Variants in SGCZ observed in about 807,000 individuals in gnomAD.
SGCZ encodes sarcoglycan zeta, also known as zeta-sarcoglycan.
SGCZ carries 40 observed loss-of-function variants against 41.3 expected under a neutral mutation model. That is an observed-to-expected ratio of 0.97 (90% CI 0.75 to 1.26). The LOEUF (loss-of-function observed/expected upper bound fraction) is 1.26, where lower values mean the gene tolerates loss of function less well. Ranked by LOEUF, SGCZ falls within the 50% of genes most tolerant of loss-of-function variation. The probability of loss-of-function intolerance (pLI) is 0.00; values close to 1 mark genes in which losing one functional copy is unlikely to be tolerated. For missense variants in SGCZ, 552 were observed against 369.8 expected (o/e 1.49, Z -4.04); for synonymous variants, 206 against 137.5 (o/e 1.50, Z -3.49).
chr8:15,056,064 G>T (rs530659402), intron 1 of SGCZ, among the ~76,000 whole-genome samples: 1 of 152,210 alleles, frequency 6.6e-6, no homozygotes, highest in Admixed American at 6.5e-5. Context: ...CATTTAAGCA[G>T]TTTGCTGTCC....
At chr8:15,076,269 G>A (rs1258474891) in intron 1 of SGCZ, among the ~76,000 whole-genome samples, 1 of 152,126 alleles carries the variant, frequency 6.6e-6, no homozygotes, top group Non-Finnish European at 1.5e-5. Flanking sequence ...ATAACAAAGA[G>A]AGCAGAAAGA....
At chr8:14,710,895 C>T (rs1253377524) in intron 1 of SGCZ, among the ~76,000 whole-genome samples, 1 of 151,988 alleles carries the variant, frequency 6.6e-6, no homozygotes, top group Non-Finnish European at 1.5e-5. Flanking sequence ...AAAACGAAGA[C>T]CGAATACACA....
At chr8:14,477,237 G>T (rs572934184) in intron 2 of SGCZ, among the ~76,000 whole-genome samples, 1 of 151,908 alleles carries the variant, frequency 6.6e-6, no homozygotes, top group African/African-American at 2.4e-5. Context: ...GCCTACTACC[G>T]TTGTATTAAT....
chr8:14,633,040 T>C (rs763470640), intron 1 of SGCZ, among the ~76,000 whole-genome samples: 2 of 151,984 alleles, frequency 1.3e-5, no homozygotes, highest in Non-Finnish European at 2.9e-5. Flanking sequence ...AGAGAAGTGA[T>C]TGAATTACAT....
intron 1 of SGCZ, among the ~76,000 whole-genome samples, chr8:15,236,453 A>G (rs73667931): frequency 0.086 from 12,982 of 151,292 alleles, 1,343 homozygotes; most frequent in African/African-American, 0.25. Flanking sequence ...GGGGTGCCTA[A>G]ACATTCTCAC....
intron 2 of SGCZ, among the ~76,000 whole-genome samples, chr8:14,408,160 TG>T (rs1217975940): frequency 1.3e-5 from 2 of 152,144 alleles, no homozygotes; most frequent in African/African-American, 2.4e-5. Context: ...AAAATTATGA[TG>T]TTTTTAGACA....
intron 2 of SGCZ, among the ~76,000 whole-genome samples, chr8:14,471,917 A>T (rs1177236339): frequency 6.6e-6 from 1 of 152,080 alleles, no homozygotes; most frequent in Non-Finnish European, 1.5e-5. Context: ...AAATAAATAC[A>T]TCATCATCTG....
intron 1 of SGCZ, among the ~76,000 whole-genome samples, chr8:14,828,835 T>G (rs1802428564): frequency 6.6e-6 from 1 of 152,174 alleles, no homozygotes; most frequent in Non-Finnish European, 1.5e-5. Flanking sequence ...AGAGTCCTTC[T>G]TTACCATAAC....
chr8:14,240,261 G>C (rs1423453064), intron 3 of SGCZ, among the ~76,000 whole-genome samples: 1 of 149,602 alleles, frequency 6.7e-6, no homozygotes, highest in Non-Finnish European at 1.5e-5. Context: ...CTGGGAGGTG[G>C]AGGATTCAGT....
At chr8:14,953,551 A>G (rs1198419357) in intron 1 of SGCZ, among the ~76,000 whole-genome samples, 3 of 152,326 alleles carry the variant, frequency 2.0e-5, no homozygotes, top group African/African-American at 7.2e-5. Flanking sequence ...GCACTGCCGT[A>G]GCCATGGAAA....
At chr8:14,826,850 G>C (rs371946243) in intron 1 of SGCZ, among the ~76,000 whole-genome samples, 1 of 152,172 alleles carries the variant, frequency 6.6e-6, no homozygotes, top group East Asian at 1.9e-4. Context: ...TCTCAGATGA[G>C]TAGGTTGTGA....
chr8:14,234,202 T>G (rs1010623220), intron 4 of SGCZ, among the ~76,000 whole-genome samples: 1 of 152,068 alleles, frequency 6.6e-6, no homozygotes, highest in African/African-American at 2.4e-5. Context: ...CAGAAACATA[T>G]AAAATATTTC....
chr8:14,437,850 T>C (rs969046759), intron 2 of SGCZ, among the ~76,000 whole-genome samples: 4 of 151,960 alleles, frequency 2.6e-5, no homozygotes, highest in African/African-American at 4.8e-5. Context: ...TAAGGATTTG[T>C]GGCTTTTGTA....
At chr8:14,278,171 T>C (rs1171786340) in intron 3 of SGCZ, among the ~76,000 whole-genome samples, 1 of 152,114 alleles carries the variant, frequency 6.6e-6, no homozygotes, top group Non-Finnish European at 1.5e-5. Context: ...AAATTACTTA[T>C]TACCCTCATA....
chr8:14,835,227 A>C (rs1196384830), intron 1 of SGCZ, among the ~76,000 whole-genome samples: 5 of 152,212 alleles, frequency 3.3e-5, no homozygotes, highest in African/African-American at 1.2e-4. Context: ...TTGAGCATCT[A>C]GACAAAGCCT....
intron 1 of SGCZ, among the ~76,000 whole-genome samples, chr8:15,184,629 A>C (rs1272812220): frequency 3.9e-5 from 6 of 152,244 alleles, no homozygotes. Context: ...CCAGCAGGAA[A>C]CTGAGAGGTG....
At chr8:14,197,680 T>C (rs953713837) in intron 4 of SGCZ, among the ~76,000 whole-genome samples, 3 of 152,194 alleles carry the variant, frequency 2.0e-5, no homozygotes, top group Non-Finnish European at 4.4e-5. Context: ...AAAGGGCATT[T>C]ACAGAAATCC....
intron 2 of SGCZ, among the ~76,000 whole-genome samples, chr8:14,496,426 G>C (rs1392871128): frequency 6.6e-6 from 1 of 152,136 alleles, no homozygotes; most frequent in Non-Finnish European, 1.5e-5. Context: ...ATGAATACAA[G>C]TAGTAAGTAG....
chr8:14,580,809 T>C (rs1388090250), intron 1 of SGCZ, among the ~76,000 whole-genome samples: 2 of 152,208 alleles, frequency 1.3e-5, no homozygotes, highest in African/African-American at 2.4e-5. Flanking sequence ...CTGATTAAAT[T>C]GCAGTAGTGG....
Sources: gnomAD v4.1 joint callset for allele counts (sites outside exome capture counted in the v4.1 genomes callset) on GRCh38, gnomAD v4.1.1 for gene constraint, MANE v1.5 for transcripts, NCBI Gene and HGNC (gene_info 2026-07-23, HGNC 2026-07-21) for gene names.